The following SGMS1 variants were observed in gnomAD, a reference collection of about 807,000 sequenced individuals.
SGMS1 encodes phosphatidylcholine:ceramide cholinephosphotransferase 1.
SGMS1 carries 13 observed loss-of-function variants against 46.2 expected under a neutral mutation model. The observed-to-expected ratio is 0.28, with a 90% CI of 0.18 to 0.45. The LOEUF is 0.45. Ranked by LOEUF, SGMS1 falls within the 20% of genes least tolerant of loss-of-function variation. The pLI, the probability that SGMS1 is intolerant of heterozygous loss-of-function variation, is 1.00. For missense variants in SGMS1, 324 were observed against 519.9 expected, an observed-to-expected ratio of 0.62 and a Z score of 3.66; for synonymous variants, 203 against 187.8, an observed-to-expected ratio of 1.08 and a Z score of -0.66.
chr10:50,464,126 A>G (rs994613574), intron 4 of SGMS1, among the ~76,000 whole-genome samples: 2 of 152,236 alleles, frequency 1.3e-5, no homozygotes, highest in Non-Finnish European at 1.5e-5. Context: ...ATGTGTACAT[A>G]GTTAACACTA....
chr10:50,342,771 TA>T (rs1344492217), intron 7 of SGMS1: 2 of 152,228 alleles, frequency 1.3e-5, no homozygotes, highest in Non-Finnish European at 2.9e-5. Context: ...GCAACCCCAG[TA>T]AACAGCCAGT....
At chr10:50,575,025 A>G (rs7088807) in intron 2 of SGMS1, among the ~76,000 whole-genome samples, 57,844 of 140,384 alleles carry the variant, frequency 0.41, 13,471 homozygotes, top group East Asian at 0.73. Context: ...AGGAAAATTC[A>G]ACCATGTGAA....
intron 1 of SGMS1, among the ~76,000 whole-genome samples, chr10:50,592,924 T>C (rs1838555724): frequency 6.6e-6 from 1 of 152,182 alleles, no homozygotes; most frequent in South Asian, 2.1e-4. Flanking sequence ...AGATGGCCCG[T>C]GGTGATATCC....
upstream of SGMS1, chr10:50,624,250 C>G (rs1838891293): frequency 2.2e-6 from 1 of 447,670 alleles, no homozygotes. Flanking sequence ...GACGGTAAAT[C>G]CCTTGGGGCA....
At chr10:50,509,840 A>G (rs1282592557) in intron 3 of SGMS1, among the ~76,000 whole-genome samples, 1 of 152,236 alleles carries the variant, frequency 6.6e-6, no homozygotes, top group East Asian at 1.9e-4. Flanking sequence ...GATGGTATTT[A>G]AGCCAAAGTG....
At chr10:50,451,314 T>C (rs1837106540) in intron 5 of SGMS1, among the ~76,000 whole-genome samples, 1 of 152,230 alleles carries the variant, frequency 6.6e-6, no homozygotes, top group African/African-American at 2.4e-5. Context: ...TACCATGTTA[T>C]GTTTCTGGTT....
intron 5 of SGMS1, among the ~76,000 whole-genome samples, chr10:50,439,059 G>C (rs1472292667): frequency 6.6e-6 from 1 of 152,184 alleles, no homozygotes; most frequent in African/African-American, 2.4e-5. Context: ...AAATGTGATA[G>C]ATTGGACTTA....
chr10:50,621,038 T>G (rs1049426959), intron 1 of SGMS1, among the ~76,000 whole-genome samples: 1 of 152,044 alleles, frequency 6.6e-6, no homozygotes, highest in Non-Finnish European at 1.5e-5. Context: ...TAGCTGGGCT[T>G]AGTGGTGCGT....
At chr10:50,543,833 A>T (rs1376857810) in intron 2 of SGMS1, among the ~76,000 whole-genome samples, 2 of 152,170 alleles carry the variant, frequency 1.3e-5, no homozygotes. Flanking sequence ...AATGTCTTCT[A>T]TGTTTAGAAA....
intron 6 of SGMS1, among the ~76,000 whole-genome samples, chr10:50,371,927 C>T (rs1393045936): frequency 6.6e-6 from 1 of 152,138 alleles, no homozygotes; most frequent in African/African-American, 2.4e-5. Flanking sequence ...AGGAAGAGCC[C>T]TCCTGTTTGA....
At chr10:50,557,928 T>A (rs539085697) in intron 2 of SGMS1, among the ~76,000 whole-genome samples, 1 of 152,192 alleles carries the variant, frequency 6.6e-6, no homozygotes, top group Non-Finnish European at 1.5e-5. Flanking sequence ...AAAAACTCAG[T>A]AGGTTTTGAG....
At chr10:50,341,095 A>G (rs759663418) in intron 7 of SGMS1, 6 of 314,208 alleles carry the variant, frequency 1.9e-5, no homozygotes, top group African/African-American at 4.3e-5. Context: ...ACTCTCTGCT[A>G]AGAATATCCC....
Position 50,306,540 on chromosome 10 carries a change from T to C in SGMS1, c.*602A>G, listed in dbSNP as rs1159608749. ...TTAGGAAATACTTAGAAAATCACTT[T>C]ATAACAGAATCTTTTTTTTTGCACT... On this transcript the variant is annotated 3_prime_UTR_variant, in exon 11 of 11. Coordinates refer to ENST00000361781, the MANE Select transcript of SGMS1 (RefSeq NM_147156.4). The C allele has an allele frequency of 6.5e-6, 1 of 152,772 alleles. No homozygotes were observed. Among genetic ancestry groups the C allele is most frequent in the East Asian group, 1.9e-4 (1 of 5,340 alleles). The allele number at this position is 152,772 out of a possible 1,614,324, so 9.5% of individuals were successfully genotyped here. A position where few individuals can be genotyped will look rare whatever the true frequency, so the allele number is the denominator to read the frequency against.
chr10:50,553,662 C>T (rs1424584081), intron 2 of SGMS1, among the ~76,000 whole-genome samples: 2 of 152,160 alleles, frequency 1.3e-5, no homozygotes, highest in African/African-American at 4.8e-5. Context: ...CTCTGAACCA[C>T]TGCTTTTAGG....
intron 6 of SGMS1, among the ~76,000 whole-genome samples, chr10:50,422,890 A>G (rs1208660582): frequency 1.3e-5 from 2 of 152,260 alleles, no homozygotes; most frequent in Admixed American, 6.5e-5. Flanking sequence ...ATTCACTGGT[A>G]TCCTTTGATT....
At chr10:50,442,668 T>C (rs919019656) in intron 5 of SGMS1, among the ~76,000 whole-genome samples, 2 of 152,236 alleles carry the variant, frequency 1.3e-5, no homozygotes, top group Admixed American at 6.5e-5. Flanking sequence ...TGTGTCTTTG[T>C]AATAGAACAA....
At chr10:50,391,693 T>C (rs1305972939) in intron 6 of SGMS1, among the ~76,000 whole-genome samples, 1 of 152,070 alleles carries the variant, frequency 6.6e-6, no homozygotes, top group African/African-American at 2.4e-5. Flanking sequence ...ATATAAATTG[T>C]TCTATCATAA....
intron 6 of SGMS1, among the ~76,000 whole-genome samples, chr10:50,383,640 A>G (rs545803876): frequency 1.3e-5 from 2 of 152,294 alleles, no homozygotes; most frequent in African/African-American, 4.8e-5. Context: ...GGTTAAACAA[A>G]AAACTTTGAT....
Position 50,611,263 on chromosome 10 carries a change from C to T in SGMS1, c.-684+12444G>A, listed in dbSNP as rs1225364075. 3.3e-5 allele frequency among the ~76,000 whole-genome samples: 5 copies of T among 152,222 alleles called. No individual in the cohort carries two copies. The South Asian group carries it at 1.0e-3, about 31-fold the overall frequency. On this transcript the variant is annotated intron_variant, in intron 1 of 10. Transcript: ENST00000361781. ...ATCTCAGGGTCACCCTCTGCTGCCACATCCCAAGGCCACCTCAACAACTGC... is the reference window on the plus strand; with the variant it reads ...ATCTCAGGGTCACCCTCTGCTGCCATATCCCAAGGCCACCTCAACAACTGC...
Sources: gnomAD v4.1 joint callset for allele counts (sites outside exome capture counted in the v4.1 genomes callset) on GRCh38, gnomAD v4.1.1 for gene constraint, MANE v1.5 for transcripts, NCBI Gene and HGNC (gene_info 2026-07-23, HGNC 2026-07-21) for gene names.